The following AGBL4 variants were observed in gnomAD, a reference collection of about 807,000 sequenced individuals.
The protein encoded by AGBL4 is cytosolic carboxypeptidase 6.
Under a neutral mutation model 66.4 loss-of-function variants are expected in AGBL4, and 58 were observed. That is an observed-to-expected ratio of 0.87 (90% CI 0.71 to 1.09). The LOEUF (loss-of-function observed/expected upper bound fraction) is 1.09, where lower values mean the gene tolerates loss of function less well. Among genes scored for constraint, AGBL4 ranks in the 50% least tolerant of loss-of-function variants. The pLI, the probability that AGBL4 is intolerant of heterozygous loss-of-function variation, is 0.00. For synonymous variants in AGBL4, 234 were observed against 222.9 expected, an observed-to-expected ratio of 1.05 and a Z score of -0.44; for missense variants, 579 against 631.0, an observed-to-expected ratio of 0.92 and a Z score of 0.88.
At chr1:49,916,259 G>A (rs1422492213) in intron 1 of AGBL4, among the ~76,000 whole-genome samples, 2 of 152,200 alleles carry the variant, frequency 1.3e-5, no homozygotes, top group African/African-American at 4.8e-5. Context: ...GTTGAGAGAA[G>A]AGGGCTTCAG....
At chr1:49,004,939 T>C (rs1661663965) in intron 5 of AGBL4, among the ~76,000 whole-genome samples, 1 of 151,720 alleles carries the variant, frequency 6.6e-6, no homozygotes, top group Admixed American at 6.6e-5. Context: ...CTGGAACGAG[T>C]TTAGAGCAAG....
intron 4 of AGBL4, among the ~76,000 whole-genome samples, chr1:49,197,970 T>C (rs1317901442): frequency 6.6e-6 from 1 of 152,164 alleles, no homozygotes; most frequent in East Asian, 1.9e-4. Flanking sequence ...ACCCAGCTTG[T>C]TATGAGCTGA....
intron 3 of AGBL4, among the ~76,000 whole-genome samples, chr1:49,381,887 C>T (rs906521955): frequency 1.3e-5 from 2 of 151,578 alleles, no homozygotes; most frequent in African/African-American, 4.9e-5. Context: ...AGGATATATA[C>T]CTAATGCTAA....
At chr1:49,671,119 T>C (rs1369443158) in intron 3 of AGBL4, among the ~76,000 whole-genome samples, 1 of 152,134 alleles carries the variant, frequency 6.6e-6, no homozygotes, top group Non-Finnish European at 1.5e-5. Context: ...AAAAGCATGG[T>C]ACTGGTACAA....
At chr1:49,624,070 C>A (rs1161478133) in intron 3 of AGBL4, among the ~76,000 whole-genome samples, 1 of 151,568 alleles carries the variant, frequency 6.6e-6, no homozygotes, top group Non-Finnish European at 1.5e-5. Flanking sequence ...ATTAAAAGCC[C>A]TTAGCACAGT....
chr1:48,937,504 A>G (rs1018346515), intron 5 of AGBL4, among the ~76,000 whole-genome samples: 1 of 152,158 alleles, frequency 6.6e-6, no homozygotes, highest in African/African-American at 2.4e-5. Flanking sequence ...GACTCTGATT[A>G]TGGGTTTCAA....
chr1:49,674,571 T>TAC (rs139707283), intron 3 of AGBL4, among the ~76,000 whole-genome samples: 67,570 of 143,554 alleles, frequency 0.47, 16,094 homozygotes, highest in Middle Eastern at 0.55. Context: ...AAGAATAAAA[T>TAC]ACACACACAC....
chr1:48,644,718 T>C lies in AGBL4; in HGVS notation c.839+8619A>G, dbSNP rs191044837. On this transcript the variant is annotated intron_variant, in intron 8 of 13. Coordinates refer to ENST00000371839, the MANE Select transcript of AGBL4 (RefSeq NM_032785.4). ...ATGCAGGAAGGGGCAAGGTGGACAG[T>C]TGGAGAGGAAGCTGAAAAGAAAGTT... is the stretch of plus-strand genomic sequence containing the variant. Among the ~76,000 whole-genome samples the C allele has an allele frequency of 1.5e-3, 230 of 151,976 alleles. 2 individuals are homozygous for C. Among genetic ancestry groups the C allele is most frequent in the Middle Eastern group, 6.8e-3 (2 of 292 alleles).
chr1:48,926,312 C>T (rs1331761828), intron 5 of AGBL4, among the ~76,000 whole-genome samples: 3 of 138,298 alleles, frequency 2.2e-5, no homozygotes, highest in African/African-American at 8.4e-5. Flanking sequence ...CAGAGTCTCA[C>T]TCTGTTGCCT....
At position 49,895,146 on chromosome 1, in the gene AGBL4, T is replaced by G. The variant is rs552836737; in HGVS notation, c.35-43628A>C. Among the ~76,000 whole-genome samples the G allele has an allele frequency of 2.0e-5, 3 of 150,006 alleles. No homozygotes were observed. The South Asian group carries it at 6.3e-4, about 32-fold the overall frequency. On this transcript the variant is annotated intron_variant, in intron 1 of 13. Coordinates refer to ENST00000371839, the MANE Select transcript of AGBL4 (RefSeq NM_032785.4). ...GAAAGAAAAAACTTTTATCCTAGAA[T>G]AGTATATTTAGCAAAAATACTCTCC...
At chr1:49,562,782 G>A (rs1158710150) in intron 3 of AGBL4, among the ~76,000 whole-genome samples, 2 of 152,096 alleles carry the variant, frequency 1.3e-5, no homozygotes, top group African/African-American at 4.8e-5. Context: ...GGATTGACTT[G>A]GCAATGTGGG....
At chr1:49,078,568 C>G (rs1163878843) in intron 4 of AGBL4, among the ~76,000 whole-genome samples, 1 of 152,076 alleles carries the variant, frequency 6.6e-6, no homozygotes, top group Non-Finnish European at 1.5e-5. Flanking sequence ...GGAAATATAT[C>G]TTAAATCCAG....
intron 7 of AGBL4, 73 bp from the exon 8 acceptor site, chr1:48,653,524 G>C (rs560673170): frequency 8.3e-7 from 1 of 1,209,206 alleles, no homozygotes; most frequent in African/African-American, 1.5e-5. Context: ...TCTCAGCTTG[G>C]AAAACAAGAA....
chr1:49,171,857 AC>A (rs1186135425), intron 4 of AGBL4, among the ~76,000 whole-genome samples: 1 of 152,214 alleles, frequency 6.6e-6, no homozygotes, highest in Non-Finnish European at 1.5e-5. Context: ...TTGTTGATAT[AC>A]CATGGGCAGA....
intron 6 of AGBL4, among the ~76,000 whole-genome samples, chr1:48,735,998 G>A (rs759437812): frequency 1.3e-5 from 2 of 152,118 alleles, no homozygotes; most frequent in Non-Finnish European, 2.9e-5. Context: ...CACACCATCT[G>A]TCCCTTTCTC....
chr1:49,990,841 A>G (rs1659887627), intron 1 of AGBL4, among the ~76,000 whole-genome samples: 1 of 152,208 alleles, frequency 6.6e-6, no homozygotes, highest in Non-Finnish European at 1.5e-5. Flanking sequence ...AGCGTGTAGG[A>G]TATGTTTAGC....
At chr1:48,866,341 C>T (rs1648084107) in intron 6 of AGBL4, among the ~76,000 whole-genome samples, 1 of 152,166 alleles carries the variant, frequency 6.6e-6, no homozygotes, top group African/African-American at 2.4e-5. Flanking sequence ...CACAAACCTG[C>T]CGTATGACCA....
chr1:48,788,862 GT>G (rs1645471118), intron 6 of AGBL4, among the ~76,000 whole-genome samples: 1 of 152,144 alleles, frequency 6.6e-6, no homozygotes, highest in Non-Finnish European at 1.5e-5. Context: ...CAGACAGACA[GT>G]TTCCCCCATT....
intron 11 of AGBL4, among the ~76,000 whole-genome samples, chr1:48,564,374 T>C (rs559825542): frequency 6.6e-6 from 1 of 152,052 alleles, no homozygotes; most frequent in African/African-American, 2.4e-5. Context: ...TCCTGCTGCC[T>C]TCTCCTGACC....
Sources: gnomAD v4.1 joint callset for allele counts (sites outside exome capture counted in the v4.1 genomes callset) on GRCh38, gnomAD v4.1.1 for gene constraint, MANE v1.5 for transcripts, NCBI Gene and HGNC (gene_info 2026-07-23, HGNC 2026-07-21) for gene names.